Variants in DACH1 observed in about 807,000 individuals in gnomAD.
DACH1 encodes dachshund family transcription factor 1, also known as dachshund homolog 1.
Under a neutral mutation model 54.2 loss-of-function variants are expected in DACH1, and 12 were observed. That is an observed-to-expected ratio of 0.22 (90% CI 0.14 to 0.36). DACH1 has a LOEUF of 0.36. DACH1 is among the 10% of genes least tolerant of loss of function. The probability of loss-of-function intolerance (pLI) is 1.00; values close to 1 mark genes in which losing one functional copy is unlikely to be tolerated. For missense variants in DACH1, 805 were observed against 929.8 expected, an observed-to-expected ratio of 0.87 and a Z score of 1.75; for synonymous variants, 386 against 366.2, an observed-to-expected ratio of 1.05 and a Z score of -0.62.
intron 2 of DACH1, among the ~76,000 whole-genome samples, chr13:71,679,601 A>C (rs76406795): frequency 6.6e-6 from 1 of 152,062 alleles, no homozygotes; most frequent in African/African-American, 2.4e-5. Flanking sequence ...TAAAAAAAAA[A>C]CATCAGAAAC....
At chr13:71,799,559 T>A (rs1887202307) in intron 1 of DACH1, among the ~76,000 whole-genome samples, 1 of 152,116 alleles carries the variant, frequency 6.6e-6, no homozygotes, top group South Asian at 2.1e-4. Flanking sequence ...TGTACCAGAC[T>A]ATAAAACCGA....
chr13:71,496,306 T>TATAA (rs1217159359), intron 6 of DACH1, among the ~76,000 whole-genome samples: 1 of 46,114 alleles, frequency 2.2e-5, no homozygotes, highest in Non-Finnish European at 4.2e-5. Flanking sequence ...TATATATATA[T>TATAA]ACACACACAA....
intron 3 of DACH1, among the ~76,000 whole-genome samples, chr13:71,581,049 T>TC (rs1872814352): frequency 6.6e-6 from 1 of 151,926 alleles, no homozygotes; most frequent in African/African-American, 2.4e-5. Context: ...TTTTTTTTTT[T>TC]TCTCTCATCA....
intron 1 of DACH1, among the ~76,000 whole-genome samples, chr13:71,692,642 C>T (rs758825620): frequency 6.7e-6 from 1 of 149,114 alleles, no homozygotes; most frequent in Non-Finnish European, 1.5e-5. Context: ...TCTGCCTCAG[C>T]CTCCGAAGTA....
chr13:71,793,555 A>G (rs1312253169), intron 1 of DACH1, among the ~76,000 whole-genome samples: 11 of 152,072 alleles, frequency 7.2e-5, no homozygotes, highest in African/African-American at 2.7e-4. Context: ...TTCTTTTTGG[A>G]AACAGGGTTT....
chr13:71,566,639 A>G (rs1884909498), intron 4 of DACH1, among the ~76,000 whole-genome samples: 1 of 152,156 alleles, frequency 6.6e-6, no homozygotes, highest in Non-Finnish European at 1.5e-5. Flanking sequence ...GTATTATTAT[A>G]AAATCAAGCA....
chr13:71,557,122 A>C lies in DACH1; in HGVS notation c.1472T>G (p.Leu491Arg). 6.2e-7 allele frequency: 1 copy of C among 1,612,376 alleles called. No homozygotes were observed. Among genetic ancestry groups the C allele is most frequent in the East Asian group, 2.2e-5 (1 of 44,654 alleles). The change falls in exon 6 of 11, where the codon CTG becomes CGG. Residue 491 changes from leucine (L) to arginine (R), a missense_variant. By Grantham distance (102) the Leu-to-Arg change is moderately radical. This residue lies in a region of DACH1 where 472 missense variants were observed against 545.3 expected (regional missense o/e 0.87). Transcript: ENST00000613252. Reference sequence around the variant, plus strand: ...AAGTACATTTGGTGATAAGCCCATCAGCATCTGGTTCATGGACAACCCATT... The same window carrying C: ...AAGTACATTTGGTGATAAGCCCATCCGCATCTGGTTCATGGACAACCCATT... Reference protein sequence around the residue: ...HQNGLSMNQMLMGLSPNVLPG... With the variant: ...HQNGLSMNQMRMGLSPNVLPG...
chr13:71,482,863 C>T (rs1054863581), intron 7 of DACH1, among the ~76,000 whole-genome samples: 1 of 144,970 alleles, frequency 6.9e-6, no homozygotes, highest in Non-Finnish European at 1.5e-5. Flanking sequence ...GCAAATGGCG[C>T]GATCTCGGCT....
At chr13:71,577,645 T>G (rs1885616165) in intron 3 of DACH1, among the ~76,000 whole-genome samples, 1 of 152,154 alleles carries the variant, frequency 6.6e-6, no homozygotes, top group South Asian at 2.1e-4. Flanking sequence ...GTATTTAATA[T>G]CCTGTTACAT....
At chr13:71,838,285 G>T (rs17837287) in intron 1 of DACH1, among the ~76,000 whole-genome samples, 9,151 of 152,172 alleles carry the variant, frequency 0.06, 1,031 homozygotes, top group East Asian at 0.57. Context: ...CTGCACAATA[G>T]TAACGAATTT....
chr13:71,673,196 T>C (rs1880307662), intron 2 of DACH1, among the ~76,000 whole-genome samples: 1 of 152,132 alleles, frequency 6.6e-6, no homozygotes, highest in African/African-American at 2.4e-5. Context: ...AGAAGTCTAG[T>C]AATATGTGGT....
intron 6 of DACH1, among the ~76,000 whole-genome samples, chr13:71,530,034 CT>C (rs1273166125): frequency 6.6e-6 from 1 of 152,002 alleles, no homozygotes; most frequent in East Asian, 1.9e-4. Context: ...AAGGTCTTAT[CT>C]AAATCAAATT....
At chr13:71,720,562 A>C (rs1883188192) in intron 1 of DACH1, among the ~76,000 whole-genome samples, 1 of 151,984 alleles carries the variant, frequency 6.6e-6, no homozygotes, top group Non-Finnish European at 1.5e-5. Context: ...ATTCCAAAGC[A>C]CTCCATGGTG....
At chr13:71,847,124 A>T (rs1873332628) in intron 1 of DACH1, among the ~76,000 whole-genome samples, 1 of 152,274 alleles carries the variant, frequency 6.6e-6, no homozygotes, top group South Asian at 2.1e-4. Flanking sequence ...TATGAAGTCT[A>T]TATGTTTATG....
intron 6 of DACH1, among the ~76,000 whole-genome samples, chr13:71,528,295 A>C (rs1320199085): frequency 6.6e-6 from 1 of 152,200 alleles, no homozygotes; most frequent in Non-Finnish European, 1.5e-5. Context: ...ATGAGACTGC[A>C]GTTTAGAATT....
At position 71,697,830 on chromosome 13, in the gene DACH1, T is replaced by C. The variant is rs570960810; in HGVS notation, c.849-15920A>G. Among the ~76,000 whole-genome samples, 20 of 152,292 alleles carry C rather than the reference T, an allele frequency of 1.3e-4. No individual in the cohort carries two copies. In the South Asian group the frequency reaches 3.1e-3, roughly 24 times the overall value. ...TACCATTGGAAGGCTATATTAATTT[T>C]AAAAATGGTGTTAAAATTTGCTGGC... On this transcript the variant is annotated intron_variant, in intron 1 of 10. Transcript: ENST00000613252.
intron 1 of DACH1, among the ~76,000 whole-genome samples, chr13:71,769,988 C>A (rs2138032508): frequency 6.6e-6 from 1 of 151,738 alleles, no homozygotes; most frequent in African/African-American, 2.4e-5. Context: ...TCATCAGAAA[C>A]CTATAAACAA....
intron 6 of DACH1, among the ~76,000 whole-genome samples, chr13:71,513,820 T>C (rs1388181681): frequency 6.6e-6 from 1 of 152,076 alleles, no homozygotes; most frequent in African/African-American, 2.4e-5. Flanking sequence ...GTCCATATGG[T>C]AGATTTGTTC....
intron 6 of DACH1, among the ~76,000 whole-genome samples, chr13:71,555,149 T>C (rs1417412797): frequency 6.6e-6 from 1 of 152,118 alleles, no homozygotes. Context: ...AAGTTAAACT[T>C]GGTAAATAGT....
Sources: allele counts gnomAD v4.1 joint callset (sites outside exome capture counted in the v4.1 genomes callset), GRCh38; gene constraint gnomAD v4.1.1; regional missense constraint gnomAD v4.1.1; transcripts MANE v1.5; gene names NCBI Gene and HGNC (gene_info 2026-07-23, HGNC 2026-07-21).